Variants in CHKA observed in about 807,000 individuals in gnomAD.
CHKA encodes the protein choline kinase alpha.
Under a neutral mutation model 60.1 loss-of-function variants are expected in CHKA, and 34 were observed. That is an observed-to-expected ratio of 0.57 (90% CI 0.43 to 0.75). The LOEUF (loss-of-function observed/expected upper bound fraction) is 0.75. Among genes scored for constraint, CHKA ranks in the 30% least tolerant of loss-of-function variants. The pLI is 0.00. For synonymous variants in CHKA, 217 were observed against 223.1 expected (o/e 0.97, Z 0.24); for missense variants, 563 against 561.3 (o/e 1.00, Z -0.03).
chr11:68,084,306 A>G (rs1247747318), intron 2 of CHKA, among the ~76,000 whole-genome samples: 3 of 142,530 alleles, frequency 2.1e-5, no homozygotes, highest in Non-Finnish European at 4.6e-5. Context: ...GTATATGTGT[A>G]TATACATGTG....
chr11:68,074,375 G>A (rs2134559013), intron 4 of CHKA, among the ~76,000 whole-genome samples: 1 of 152,224 alleles, frequency 6.6e-6, no homozygotes, highest in Middle Eastern at 3.4e-3. Context: ...GACTGAGCAG[G>A]GCCAAGGTGT....
chr11:68,068,814 C>T (rs1285056484), intron 7 of CHKA, 65 bp downstream of exon 7: 1 of 1,091,468 alleles, frequency 9.2e-7, no homozygotes, highest in East Asian at 2.4e-5. Context: ...TTTTCAGACA[C>T]ACTGCCAGTA....
intron 2 of CHKA, among the ~76,000 whole-genome samples, chr11:68,088,605 T>C (rs1458678362): frequency 6.6e-6 from 1 of 152,182 alleles, no homozygotes. Context: ...GAAAGAGTTA[T>C]GTGACTCTTT....
At chr11:68,059,865 G>A (rs1325165368) in intron 11 of CHKA, among the ~76,000 whole-genome samples, 1 of 152,164 alleles carries the variant, frequency 6.6e-6, no homozygotes, top group African/African-American at 2.4e-5. Context: ...TGCAGTTGCT[G>A]GGGGGTTTAA....
chr11:68,097,571 G>T (rs1195036496), intron 1 of CHKA, among the ~76,000 whole-genome samples: 1 of 145,552 alleles, frequency 6.9e-6, no homozygotes, highest in Non-Finnish European at 1.5e-5. Flanking sequence ...GGGAGGCGAA[G>T]CTTGCAGTGA....
chr11:68,060,794 G>A (rs1034929185), intron 11 of CHKA, among the ~76,000 whole-genome samples: 2 of 152,022 alleles, frequency 1.3e-5, no homozygotes, highest in Non-Finnish European at 2.9e-5. Flanking sequence ...GTGCTTTGTC[G>A]TACAGTATCA....
chr11:68,097,233 C>G, intron 1 of CHKA, 103 bp from the exon 2 acceptor site: 1 of 681,806 alleles, frequency 1.5e-6, no homozygotes, highest in Non-Finnish European at 2.4e-6. Context: ...AAGAACTGTT[C>G]TCATCTTATC....
In CHKA at chr11:68,067,290, G is replaced by C. The variant is rs143738506; in HGVS notation, c.929-774C>G. 6.0e-3 allele frequency among the ~76,000 whole-genome samples: 908 copies of C among 152,282 alleles called. 5 individuals carry two copies. Among genetic ancestry groups the C allele is most frequent in the African/African-American group, 0.02 (836 of 41,538 alleles). On this transcript the variant is annotated intron_variant, in intron 7 of 11. Coordinates refer to ENST00000265689, the MANE Select transcript of CHKA (RefSeq NM_001277.3). ...CTCTTCAGCATACTTTTTCCATTTA[G>C]AGTAGCAATTACAATGTAAACTGGA...
rs1312015301 is a variant in CHKA, at chr11:68,053,724, G to A, written c.*264C>T. ...CCCCAAATATGAAATGCCTTCTCTAGATTAAAAGGATTCAGAGATGTTGCA... is the reference window on the plus strand; with the variant it reads ...CCCCAAATATGAAATGCCTTCTCTAAATTAAAAGGATTCAGAGATGTTGCA... On this transcript the variant is annotated 3_prime_UTR_variant, in exon 12 of 12. Coordinates refer to ENST00000265689, the MANE Select transcript of CHKA (RefSeq NM_001277.3). The A allele has an allele frequency of 2.6e-6, 1 of 383,662 alleles. No individual in the cohort carries two copies. The highest frequency in any genetic ancestry group is 4.7e-6 in the Non-Finnish European group (1 of 212,338). 23.8% of individuals were successfully genotyped at this position (383,662 alleles called of 1,614,324 possible).
At chr11:68,084,261 AATAC>A (rs1252448802) in intron 2 of CHKA, among the ~76,000 whole-genome samples, 1 of 148,138 alleles carries the variant, frequency 6.8e-6, no homozygotes, top group Non-Finnish European at 1.5e-5. Flanking sequence ...AAAAAAAAAA[AATAC>A]ATATATACGT....
At chr11:68,060,966 A>G (rs575529435) in intron 11 of CHKA, among the ~76,000 whole-genome samples, 21 of 152,296 alleles carry the variant, frequency 1.4e-4, no homozygotes, top group Admixed American at 8.5e-4. Context: ...AAAGGAAGGC[A>G]GCTCACCAGA....
Position 68,061,937 on chromosome 11 carries a change from C to T in CHKA, c.1314+16G>A, listed in dbSNP as rs371329186. 55 of 1,522,962 alleles carry T rather than the reference C, an allele frequency of 3.6e-5. No individual in the cohort carries two copies. Among genetic ancestry groups the T allele is most frequent in the Admixed American group, 2.4e-4 (11 of 45,244 alleles). The allele number at this position is 1,522,962 out of a possible 1,614,324, so 94.3% of individuals were successfully genotyped here. A position where few individuals can be genotyped will look rare whatever the true frequency, so the allele number is the denominator to read the frequency against. The stretch of plus-strand genomic sequence containing the variant: ...GTAGGAAGAAAAAAAAAAACAAAAA[C>T]GCTGCTAAAACATACCATGTACCCA... On this transcript the variant is annotated intron_variant, in intron 11 of 11. Coordinates refer to ENST00000265689, the MANE Select transcript of CHKA (RefSeq NM_001277.3).
intron 2 of CHKA, among the ~76,000 whole-genome samples, chr11:68,095,183 T>C (rs1857458358): frequency 6.6e-6 from 1 of 151,124 alleles, no homozygotes; most frequent in Admixed American, 6.6e-5. Flanking sequence ...GGCGGGCAGG[T>C]CACAAGGTCA....
chr11:68,093,442 C>G (rs1005166844), intron 2 of CHKA, among the ~76,000 whole-genome samples: 6 of 152,150 alleles, frequency 3.9e-5, no homozygotes, highest in Admixed American at 6.5e-5. Context: ...CCTCCTCCCC[C>G]CAAATTGGAA....
At chr11:68,086,818 T>A (rs1857194594) in intron 2 of CHKA, among the ~76,000 whole-genome samples, 1 of 152,136 alleles carries the variant, frequency 6.6e-6, no homozygotes, top group African/African-American at 2.4e-5. Context: ...AAACACCGTC[T>A]CTACTAAAAA....
chr11:68,094,703 C>A (rs1857445182), intron 2 of CHKA, among the ~76,000 whole-genome samples: 1 of 152,208 alleles, frequency 6.6e-6, no homozygotes, highest in South Asian at 2.1e-4. Flanking sequence ...GTGTTTTCAG[C>A]TGGCATCAAC....
chr11:68,061,592 T>G, intron 11 of CHKA: 1 of 376,950 alleles, frequency 2.7e-6, no homozygotes, highest in Non-Finnish European at 5.3e-6. Context: ...CCACTCTTCT[T>G]CACTTACTGT....
intron 2 of CHKA, among the ~76,000 whole-genome samples, chr11:68,086,633 T>G (rs1224312191): frequency 6.6e-6 from 1 of 152,186 alleles, no homozygotes; most frequent in East Asian, 1.9e-4. Context: ...AGTCTGTGTA[T>G]AGTAAGAATG....
chr11:68,084,380 GTATA>G (rs1177501088), intron 2 of CHKA, among the ~76,000 whole-genome samples: 1 of 113,444 alleles, frequency 8.8e-6, no homozygotes, highest in African/African-American at 3.3e-5. Flanking sequence ...ACGTATATGT[GTATA>G]TATATACACA....
Sources: allele counts gnomAD v4.1 joint callset (sites outside exome capture counted in the v4.1 genomes callset), GRCh38; gene constraint gnomAD v4.1.1; transcripts MANE v1.5; gene names NCBI Gene and HGNC (gene_info 2026-07-23, HGNC 2026-07-21).